The following EOLA2 variants were observed in gnomAD, a reference collection of about 807,000 sequenced individuals.
EOLA2 encodes protein EOLA2.
A neutral mutation model predicts 4.1 loss-of-function variants in EOLA2; 3 were observed. The observed-to-expected ratio is 0.73, with a 90% CI of 0.33 to 1.89. The LOEUF (loss-of-function observed/expected upper bound fraction) is 1.89, where lower values mean the gene tolerates loss of function less well. Ranked by LOEUF, EOLA2 falls within the 40% of genes most tolerant of loss-of-function variation. The probability of loss-of-function intolerance (pLI) is 0.08; values close to 1 mark genes in which losing one functional copy is unlikely to be tolerated. For missense variants in EOLA2, 109 were observed against 126.4 expected (o/e 0.86, Z 0.66); for synonymous variants, 52 against 51.7 (o/e 1.01, Z -0.03).
At position 149,934,068 on chromosome X, in the gene EOLA2, G is replaced by T; in HGVS notation, c.-93C>A. On this transcript the variant is annotated 5_prime_UTR_variant, in exon 3 of 5. Coordinates refer to ENST00000370406, the MANE Select transcript of EOLA2 (RefSeq NM_001013845.2). Reference sequence around the variant, plus strand: ...GCACCACAGCAGGCCCAAGGGAAGGGGCTAGGATTCGGCTGACTCAGGTCC... The same window carrying T: ...GCACCACAGCAGGCCCAAGGGAAGGTGCTAGGATTCGGCTGACTCAGGTCC... 1 of 1,083,086 alleles carries T rather than the reference G, an allele frequency of 9.2e-7. No individual in the cohort carries two copies. The highest frequency in any genetic ancestry group is 2.4e-5 in the South Asian group (1 of 41,963). 89.3% of individuals were successfully genotyped at this position (1,083,086 alleles called of 1,213,427 possible).
intron 2 of EOLA2, among the ~76,000 whole-genome samples, chrX:149,934,834 C>T (rs1366055491): frequency 1.1e-4 from 12 of 112,016 alleles, no homozygotes; most frequent in Admixed American, 1.9e-4. Context: ...TCCTCTTGCA[C>T]GGAGGACAGC....
At chrX:149,937,260 T>C (rs1241439653) in intron 2 of EOLA2, among the ~76,000 whole-genome samples, 173 bp downstream of exon 2, 1 of 112,510 alleles carries the variant, frequency 8.9e-6, no homozygotes, top group Non-Finnish European at 1.9e-5. Flanking sequence ...GATAAATGGC[T>C]ACAGTGAATG....
rs1398380184 is a variant in EOLA2 at position 149,933,751 on chromosome X, G to A, written c.124C>T (p.His42Tyr). The change falls in exon 4 of 5, where the codon CAC becomes TAC. Residue 42 changes from histidine to tyrosine, a missense_variant. Transcript: ENST00000370406. ...CCTTCCCAGTCCCTGTGAGCAATGT[G>A]GACGGCGATGGTACAGTTCCGCTGG... ...SSQRNCTIAV[H>Y]IAHRDWEGDA... 1.4e-5 allele frequency: 17 copies of A among 1,206,783 alleles called. No individual in the cohort carries two copies. Among genetic ancestry groups the A allele is most frequent in the Non-Finnish European group, 1.9e-5 (17 of 894,800 alleles).
chrX:149,933,061 T>G (rs1369984772), intron 4 of EOLA2, among the ~76,000 whole-genome samples: 2 of 107,419 alleles, frequency 1.9e-5, no homozygotes, highest in African/African-American at 7.0e-5. Flanking sequence ...AGAGCAGCGG[T>G]TGCAGATTGG....
At chrX:149,937,654 G>A (rs1268771929) in intron 1 of EOLA2, 174 bp from the exon 2 acceptor site, 4 of 113,766 alleles carry the variant, frequency 3.5e-5, no homozygotes, top group Non-Finnish European at 7.5e-5. Flanking sequence ...GCTAATCAGA[G>A]CGGTGGGACC....
At chrX:149,931,804 CA>C (rs782666125), downstream of EOLA2, among the ~76,000 whole-genome samples, 3,879 of 46,701 alleles carry the variant, frequency 0.083, 138 homozygotes, top group African/African-American at 0.17. Flanking sequence ...GCTAAATCAC[CA>C]AAAAAAAAAA....
chrX:149,932,357 C>T lies in EOLA2; in HGVS notation c.*187G>A, dbSNP rs1210385936. 5.0e-6 allele frequency: 5 copies of T among 994,054 alleles called. No individual in the cohort carries two copies. In the African/African-American group the frequency reaches 6.0e-5, roughly 12 times the overall value. 81.9% of individuals were successfully genotyped at this position (994,054 alleles called of 1,213,427 possible). ...GAGGCATCACACAAGGAAAGCCCCA[C>T]CCCCTACTTCCTTCATCTGAGCAAA... On this transcript the variant is annotated 3_prime_UTR_variant, in exon 5 of 5. Coordinates refer to ENST00000370406, the MANE Select transcript of EOLA2 (RefSeq NM_001013845.2).
chrX:149,937,672 T>C (rs782300407), intron 1 of EOLA2, among the ~76,000 whole-genome samples, 192 bp from the exon 2 acceptor site: 2 of 112,353 alleles, frequency 1.8e-5, no homozygotes, highest in African/African-American at 6.5e-5. Flanking sequence ...ACCCTCCACA[T>C]CTGTCTGGGT....
Position 149,933,819 on chromosome X carries a change from C to T in EOLA2, c.56G>A (p.Gly19Glu). 1 of 1,206,396 alleles carries T rather than the reference C, an allele frequency of 8.3e-7. No individual in the cohort carries two copies. Among genetic ancestry groups the T allele is most frequent in the Non-Finnish European group, 1.1e-6 (1 of 893,805 alleles). ...CCAGCGCGTCTCCACAGTCTTGATT[C>T]CATTTAAGACAAAGCCAGCATAAGG... ...RQPYAGFVLN[G>E]IKTVETRWRP... The change falls in exon 4 of 5, where the codon GGA becomes GAA. Residue 19 changes from glycine (G) to glutamate (E), a missense_variant. Physicochemically the swap from Gly to Glu is moderately conservative, Grantham distance 98 (BLOSUM62 -2). Transcript: ENST00000370406.
At chrX:149,937,607 G>A (rs2091030990) in intron 1 of EOLA2, 127 bp from the exon 2 acceptor site, 1 of 117,855 alleles carries the variant, frequency 8.5e-6, no homozygotes, top group Non-Finnish European at 1.8e-5. Context: ...CCGGTCCTAA[G>A]AGTAACACAT....
chrX:149,932,395 C>A lies in EOLA2; in HGVS notation c.*149G>T, dbSNP rs1220627196. On this transcript the variant is annotated 3_prime_UTR_variant, in exon 5 of 5. Transcript: ENST00000370406. ...TCATCTGAGCAAAGGAACCTGTTTA[C>A]ATGCACAGTGCTTAGTGGGTGGGAC... 6 of 1,089,060 alleles carry A rather than the reference C, an allele frequency of 5.5e-6. No individual in the cohort carries two copies. Among genetic ancestry groups the A allele is most frequent in the Non-Finnish European group, 7.2e-6 (6 of 835,519 alleles). The allele number at this position is 1,089,060 out of a possible 1,213,427, so 89.8% of individuals were successfully genotyped here.
At chrX:149,935,885 G>A (rs1478830647) in intron 2 of EOLA2, among the ~76,000 whole-genome samples, 2 of 108,528 alleles carry the variant, frequency 1.8e-5, no homozygotes, top group African/African-American at 3.4e-5. Flanking sequence ...CCCACATCCC[G>A]TGGCACTGTG....
downstream of EOLA2, among the ~76,000 whole-genome samples, chrX:149,931,857 C>T (rs1426683453): frequency 1.0e-5 from 1 of 97,610 alleles, no homozygotes; most frequent in African/African-American, 3.8e-5. Context: ...CACTACTGAT[C>T]ACATTTCCAA....
At chrX:149,935,112 C>T (rs1329795533) in intron 2 of EOLA2, among the ~76,000 whole-genome samples, 2 of 105,735 alleles carry the variant, frequency 1.9e-5, no homozygotes, top group Admixed American at 2.0e-4. Flanking sequence ...TAAACGCAAC[C>T]TCTAGTACGC....
rs781787334 is a variant in EOLA2, at chrX:149,933,850, G to C, written c.25C>G (p.Arg9Gly). MKFGCLSF[R>G]QPYAGFVLNG... ...AAGACAAAGCCAGCATAAGGCTGCC[G>C]GAAGGAGAGGCAGCCAAACTTCATC... Residue 9 changes from arginine to glycine, a missense_variant, in exon 4 of 5, where the codon CGG becomes GGG. Coordinates refer to ENST00000370406, the MANE Select transcript of EOLA2 (RefSeq NM_001013845.2). The C allele has an allele frequency of 8.3e-7, 1 of 1,203,320 alleles. No individual in the cohort carries two copies.
chrX:149,937,474 T>A lies in EOLA2; in HGVS notation c.-204A>T, dbSNP rs1237676262. The A allele has an allele frequency of 1.5e-6, 1 of 677,478 alleles. No individual in the cohort carries two copies. The highest frequency in any genetic ancestry group is 2.4e-5 in the African/African-American group (1 of 41,883). The allele number at this position is 677,478 out of a possible 1,213,427, so 55.8% of individuals were successfully genotyped here. On this transcript the variant is annotated 5_prime_UTR_variant, in exon 2 of 5. Coordinates refer to ENST00000370406, the MANE Select transcript of EOLA2 (RefSeq NM_001013845.2). ...GGAGGAAACACTCTTCCACTTGGTT[T>A]CTTTACCTGCACAACAAGGAAGATA...
intron 1 of EOLA2, among the ~76,000 whole-genome samples, chrX:149,937,819 C>T (rs1287572301): frequency 8.9e-6 from 1 of 112,836 alleles, no homozygotes; most frequent in Non-Finnish European, 1.9e-5. Context: ...GTTTGGGGGG[C>T]CTAAATCCCA....
chrX:149,937,321 C>T, intron 2 of EOLA2, 112 bp downstream of exon 2: 1 of 203,932 alleles, frequency 4.9e-6, no homozygotes, highest in Non-Finnish European at 7.4e-6. Context: ...TTCTCGTCAT[C>T]ACCACAAAAT....
chrX:149,935,675 C>T (rs1445505194), intron 2 of EOLA2, among the ~76,000 whole-genome samples: 13 of 104,700 alleles, frequency 1.2e-4, no homozygotes, highest in Non-Finnish European at 1.8e-4. Context: ...TGTTGCTCAC[C>T]GTCCTGCTCT....
Sources: allele counts gnomAD v4.1 joint callset (sites outside exome capture counted in the v4.1 genomes callset), GRCh38; gene constraint gnomAD v4.1.1; transcripts MANE v1.5; gene names NCBI Gene and HGNC (gene_info 2026-07-23, HGNC 2026-07-21).